Variants in USP34 observed in about 807,000 individuals in gnomAD.
USP34 encodes the protein ubiquitin carboxyl-terminal hydrolase 34.
A neutral mutation model predicts 460.3 loss-of-function variants in USP34; 70 were observed. That is an observed-to-expected ratio of 0.15 (90% CI 0.13 to 0.19). USP34 has a LOEUF of 0.19. Ranked by LOEUF, USP34 falls within the 10% of genes least tolerant of loss-of-function variation. The pLI, the probability that USP34 is intolerant of heterozygous loss-of-function variation, is 1.00. For missense variants in USP34, 3,985 were observed against 4,236.2 expected, an observed-to-expected ratio of 0.94 and a Z score of 1.65; for synonymous variants, 1,647 against 1,405.3, an observed-to-expected ratio of 1.17 and a Z score of -3.85.
chr2:61,210,005 ATG>A (rs370688866), intron 69 of USP34, among the ~76,000 whole-genome samples: 33 of 152,336 alleles, frequency 2.2e-4, no homozygotes, highest in East Asian at 1.3e-3. Context: ...CAGCTATAAA[ATG>A]TGTGTTTTAA....
intron 1 of USP34, among the ~76,000 whole-genome samples, chr2:61,459,501 A>G (rs1287233966): frequency 6.6e-6 from 1 of 152,210 alleles, no homozygotes; most frequent in Non-Finnish European, 1.5e-5. Context: ...CAGGCCAGGC[A>G]CGGTGGCTCA....
intron 1 of USP34, among the ~76,000 whole-genome samples, chr2:61,439,172 G>A (rs1220190265): frequency 1.3e-5 from 2 of 152,204 alleles, no homozygotes; most frequent in African/African-American, 4.8e-5. Flanking sequence ...AACACTTTGG[G>A]AGGCTGAGTT....
intron 1 of USP34, among the ~76,000 whole-genome samples, chr2:61,460,968 G>A (rs1295031843): frequency 1.4e-5 from 2 of 146,398 alleles, no homozygotes; most frequent in Non-Finnish European, 1.5e-5. Flanking sequence ...GCAACAGGGC[G>A]AGACTCCATC....
chr2:61,358,808 T>C (rs1307156282), intron 10 of USP34, among the ~76,000 whole-genome samples: 1 of 152,156 alleles, frequency 6.6e-6, no homozygotes, highest in African/African-American at 2.4e-5. Flanking sequence ...TCAGCTATAT[T>C]TCTATACACT....
chr2:61,192,781 C>T (rs892667001), intron 76 of USP34, 120 bp downstream of exon 76: 3 of 665,014 alleles, frequency 4.5e-6, no homozygotes, highest in Admixed American at 3.3e-5. Flanking sequence ...CATATGTTAC[C>T]TATCAAGATT....
intron 10 of USP34, among the ~76,000 whole-genome samples, chr2:61,352,917 G>A (rs1187374865): frequency 1.3e-5 from 2 of 152,134 alleles, no homozygotes; most frequent in Admixed American, 6.5e-5. Context: ...AACAGAAAAC[G>A]CCAGGAATCC....
intron 15 of USP34, among the ~76,000 whole-genome samples, chr2:61,344,455 A>AGT (rs1691701083): frequency 3.3e-5 from 5 of 152,198 alleles, no homozygotes; most frequent in African/African-American, 1.2e-4. Context: ...GGAACTTCTA[A>AGT]CCAAACAAAC....
At chr2:61,377,297 T>C (rs1692827098) in intron 8 of USP34, among the ~76,000 whole-genome samples, 2 of 152,156 alleles carry the variant, frequency 1.3e-5, no homozygotes, top group Non-Finnish European at 2.9e-5. Context: ...GACTCACATG[T>C]ATAATCAAGA....
At chr2:61,341,976 T>A (rs931105742) in intron 16 of USP34, among the ~76,000 whole-genome samples, 1 of 152,034 alleles carries the variant, frequency 6.6e-6, no homozygotes, top group Admixed American at 6.5e-5. Context: ...TTGGCCAGGC[T>A]GGCCTCGAGA....
In USP34 at chr2:61,265,545, T is replaced by C; in HGVS notation, c.5630A>G (p.Tyr1877Cys). The change falls in exon 43 of 80, where the codon TAT becomes TGT. Residue 1877 changes from tyrosine (Y) to cysteine (C), a missense_variant. Physicochemically the swap from Tyr to Cys is radical, Grantham distance 194. Around this residue, in one of 14 missense-constraint regions of USP34, gnomAD observed 1,114 missense variants for 1,122.5 expected, o/e 0.99. Coordinates refer to ENST00000398571, the MANE Select transcript of USP34 (RefSeq NM_014709.4). ...MAQHMQSHAP[Y>C]KWDYWPHEDV... The stretch of plus-strand genomic sequence containing the variant: ...TTCATGAGGCCAGTAATCCCATTTA[T>C]AAGGTGCATGGGCTGCTGAAGAAAG... 4.3e-6 allele frequency: 7 copies of C among 1,609,678 alleles called. No homozygotes were observed. The highest frequency in any genetic ancestry group is 5.1e-6 in the Non-Finnish European group (6 of 1,176,670).
intron 16 of USP34, among the ~76,000 whole-genome samples, chr2:61,341,755 CTT>C (rs896288474): frequency 2.2e-5 from 2 of 91,726 alleles, no homozygotes; most frequent in Admixed American, 1.4e-4. Context: ...TCAGGTCTTT[CTT>C]TTTTTTTTTT....
At chr2:61,256,822 C>T in intron 47 of USP34, 51 bp downstream of exon 47, 1 of 1,403,728 alleles carries the variant, frequency 7.1e-7, no homozygotes, top group Non-Finnish European at 9.7e-7. Context: ...ACCCGCTATA[C>T]ACAAATAGGT....
chr2:61,284,132 A>C (rs1412684601), intron 35 of USP34, among the ~76,000 whole-genome samples: 1 of 152,254 alleles, frequency 6.6e-6, no homozygotes, highest in Non-Finnish European at 1.5e-5. Context: ...CAGATTTAAT[A>C]AACAAAATTT....
At chr2:61,251,997 CT>C (rs779084097) in intron 48 of USP34, among the ~76,000 whole-genome samples, 2 of 150,850 alleles carry the variant, frequency 1.3e-5, no homozygotes, top group African/African-American at 4.9e-5. Flanking sequence ...ACACCCACAA[CT>C]TTTTCCATTC....
At chr2:61,206,598 C>A (rs576287709) in intron 71 of USP34, among the ~76,000 whole-genome samples, 162 bp downstream of exon 71, 2 of 152,326 alleles carry the variant, frequency 1.3e-5, no homozygotes, top group South Asian at 2.1e-4. Context: ...AGCTTTACAT[C>A]AGGAGTTCAT....
intron 67 of USP34, among the ~76,000 whole-genome samples, chr2:61,218,640 C>G (rs780604834): frequency 2.0e-5 from 3 of 151,844 alleles, no homozygotes; most frequent in Non-Finnish European, 4.4e-5. Flanking sequence ...TTCTTAACTT[C>G]CTCTTGGCTG....
rs187660755 is a variant in USP34 at position 61,462,837 on chromosome 2, G to C, written c.43+7813C>G. Among the ~76,000 whole-genome samples the C allele has an allele frequency of 7.7e-4, 115 of 148,436 alleles. 1 individual carries two copies. Among genetic ancestry groups the C allele is most frequent in the African/African-American group, 2.5e-3 (102 of 40,032 alleles). Reference sequence around the variant, plus strand: ...AGACTGTACCAATGCACTCCAGCCTGGGAGACAGAGGGAAACTGTTTCCCA... The same window carrying C: ...AGACTGTACCAATGCACTCCAGCCTCGGAGACAGAGGGAAACTGTTTCCCA... On this transcript the variant is annotated intron_variant, in intron 1 of 79. Coordinates refer to ENST00000398571, the MANE Select transcript of USP34 (RefSeq NM_014709.4).
intron 18 of USP34, among the ~76,000 whole-genome samples, chr2:61,335,036 A>G (rs1455566554): frequency 6.6e-6 from 1 of 152,216 alleles, no homozygotes; most frequent in Non-Finnish European, 1.5e-5. Context: ...GTCATCCCAA[A>G]GCACTAAAAC....
rs144940008 is a variant in USP34 at position 61,372,862 on chromosome 2, C to G, written c.1077-2283G>C. Among the ~76,000 whole-genome samples the G allele has an allele frequency of 2.1e-3, 322 of 152,166 alleles. 2 individuals carry two copies. The highest frequency in any genetic ancestry group is 7.5e-3 in the African/African-American group (310 of 41,510). ...AGGTGCCAGAAAAAATATTTCAATA[C>G]CCCAAACTTCCCAAAGTTGATGAAA... On this transcript the variant is annotated intron_variant, in intron 8 of 79. Transcript: ENST00000398571.
Sources: gnomAD v4.1 joint callset for allele counts (sites outside exome capture counted in the v4.1 genomes callset) on GRCh38, gnomAD v4.1.1 for gene constraint, gnomAD v4.1.1 regional missense constraint, MANE v1.5 for transcripts, NCBI Gene and HGNC (gene_info 2026-07-23, HGNC 2026-07-21) for gene names.